NPAS3: variants seen among roughly 807,000 people sequenced by gnomAD.
NPAS3 encodes the protein neuronal PAS domain protein 3.
In NPAS3, 14 loss-of-function variants were observed where a neutral mutation model predicts 73.1. That is an observed-to-expected ratio of 0.19 (90% confidence interval 0.13 to 0.30). The LOEUF is 0.30. Among genes scored for constraint, NPAS3 ranks in the 10% least tolerant of loss-of-function variants. The pLI is 1.00. For synonymous variants in NPAS3, 620 were observed against 541.5 expected, an observed-to-expected ratio of 1.14 and a Z score of -2.01; for missense variants, 1,096 against 1,250.0, an observed-to-expected ratio of 0.88 and a Z score of 1.86.
At chr14:33,007,034 A>G (rs903007793) in intron 1 of NPAS3, among the ~76,000 whole-genome samples, 2 of 152,178 alleles carry the variant, frequency 1.3e-5, no homozygotes, top group African/African-American at 4.8e-5. Context: ...TTTGTTATCC[A>G]TTAGCACCTA....
At chr14:33,569,825 A>T (rs1215110334) in intron 5 of NPAS3, among the ~76,000 whole-genome samples, 1 of 152,186 alleles carries the variant, frequency 6.6e-6, no homozygotes, top group Non-Finnish European at 1.5e-5. Context: ...AAACGTTTGT[A>T]CTAAACGTTC....
chr14:33,479,336 C>A (rs540830380), intron 4 of NPAS3, among the ~76,000 whole-genome samples: 15 of 152,080 alleles, frequency 9.9e-5, no homozygotes, highest in Non-Finnish European at 1.5e-4. Flanking sequence ...GGTACCATCA[C>A]CACTAGTCTC....
In NPAS3 at chr14:33,643,674, T is replaced by G. The variant is rs575579558; in HGVS notation, c.559-32537T>G. 4.6e-5 allele frequency among the ~76,000 whole-genome samples: 7 copies of G among 152,258 alleles called. No individual in the cohort carries two copies. The South Asian group carries it at 1.0e-3, about 23-fold the overall frequency. On this transcript the variant is annotated intron_variant, in intron 5 of 11. Transcript: ENST00000356141. ...AATCTGAATCACATATTCAGCTACTTTGCCACAGTGGATTAAGATGATCTA... is the reference window on the plus strand; with the variant it reads ...AATCTGAATCACATATTCAGCTACTGTGCCACAGTGGATTAAGATGATCTA...
At chr14:33,623,850 C>A (rs906712849) in intron 5 of NPAS3, among the ~76,000 whole-genome samples, 1 of 152,170 alleles carries the variant, frequency 6.6e-6, no homozygotes, top group African/African-American at 2.4e-5. Flanking sequence ...ACTTGACTAT[C>A]TGTCAATTGA....
intron 3 of NPAS3, among the ~76,000 whole-genome samples, chr14:33,361,637 A>C (rs1368755655): frequency 6.6e-6 from 1 of 152,208 alleles, no homozygotes; most frequent in Non-Finnish European, 1.5e-5. Flanking sequence ...TTGCATCAAA[A>C]AATTTTGGAT....
intron 2 of NPAS3, among the ~76,000 whole-genome samples, chr14:33,161,468 C>T (rs1461232242): frequency 6.6e-6 from 1 of 152,140 alleles, no homozygotes; most frequent in Non-Finnish European, 1.5e-5. Flanking sequence ...AAGTTCTTGA[C>T]CACTGTCTTC....
chr14:32,989,689 C>A (rs949775810), intron 1 of NPAS3, among the ~76,000 whole-genome samples: 1 of 151,818 alleles, frequency 6.6e-6, no homozygotes, highest in African/African-American at 2.4e-5. Flanking sequence ...ACAAAAAAAA[C>A]CTTGTATTCT....
At chr14:33,092,107 G>A (rs143185820) in intron 2 of NPAS3, among the ~76,000 whole-genome samples, 8,705 of 152,206 alleles carry the variant, frequency 0.057, 648 homozygotes, top group East Asian at 0.35. Flanking sequence ...CATAGTGTTG[G>A]AAGTTCTGGC....
At chr14:33,550,564 A>G (rs17592050) in intron 4 of NPAS3, among the ~76,000 whole-genome samples, 15,337 of 152,316 alleles carry the variant, frequency 0.1, 819 homozygotes, top group Non-Finnish European at 0.11. Flanking sequence ...TGGAGCCTTG[A>G]ATAGGATAAG....
exon 6 of NPAS3, chr14:33,676,371 A>G (rs2059766934): frequency 6.3e-7 from 1 of 1,578,366 alleles, no homozygotes; most frequent in East Asian, 2.3e-5. Context: ...TCTCAGTCGG[A>G]GACCCCCGAG....
Position 33,188,539 on chromosome 14 carries a change from C to A in NPAS3, c.141-26643C>A, listed in dbSNP as rs8019693. On this transcript the variant is annotated intron_variant, in intron 2 of 11. Coordinates refer to ENST00000356141, the Ensembl canonical transcript of NPAS3. ...TATTTGTGTAATTGTCTTTTATTTC[C>A]TTACCAGATTATAAACTTCCTACAC... is the stretch of plus-strand genomic sequence containing the variant. 9.6e-3 allele frequency among the ~76,000 whole-genome samples: 1,458 copies of A among 152,200 alleles called. 20 individuals carry two copies. The highest frequency in any genetic ancestry group is 0.033 in the African/African-American group (1,366 of 41,514).
chr14:33,022,589 C>T (rs2039642734), intron 1 of NPAS3, among the ~76,000 whole-genome samples: 1 of 148,530 alleles, frequency 6.7e-6, no homozygotes, highest in South Asian at 2.1e-4. Flanking sequence ...GGCGTGAACC[C>T]GGGAGGCGGA....
chr14:33,182,831 T>C (rs1355964391), intron 2 of NPAS3, among the ~76,000 whole-genome samples: 1 of 152,128 alleles, frequency 6.6e-6, no homozygotes, highest in African/African-American at 2.4e-5. Flanking sequence ...TCATAACCAA[T>C]TTTTTGGAAA....
chr14:32,975,487 C>G (rs1198348936), intron 1 of NPAS3, among the ~76,000 whole-genome samples: 2 of 152,180 alleles, frequency 1.3e-5, no homozygotes, highest in Non-Finnish European at 2.9e-5. Context: ...CTGTGCCTGA[C>G]TCCTTTCAGT....
exon 12 of NPAS3, chr14:33,799,856 G>A (rs758344166): frequency 2.5e-6 from 4 of 1,614,128 alleles, no homozygotes; most frequent in Non-Finnish European, 3.4e-6. Context: ...CAACGACGAC[G>A]GCCACAGCTC....
At chr14:33,749,908 T>TG (rs1351527815) in intron 7 of NPAS3, among the ~76,000 whole-genome samples, 4 of 152,270 alleles carry the variant, frequency 2.6e-5, no homozygotes, top group Non-Finnish European at 5.9e-5. Flanking sequence ...GTCCTCTTCT[T>TG]GGGGAAAACA....
intron 9 of NPAS3, among the ~76,000 whole-genome samples, chr14:33,790,822 C>T (rs562663573): frequency 2.0e-5 from 3 of 152,290 alleles, no homozygotes; most frequent in Non-Finnish European, 2.9e-5. Flanking sequence ...GTGCACACCA[C>T]CACACCTGGC....
chr14:33,648,290 T>G (rs2058892211), intron 5 of NPAS3, among the ~76,000 whole-genome samples: 1 of 152,190 alleles, frequency 6.6e-6, no homozygotes, highest in South Asian at 2.1e-4. Context: ...CATTTCAAAT[T>G]GCTACAAGCT....
chr14:33,358,873 A>G (rs2045464811), intron 3 of NPAS3, among the ~76,000 whole-genome samples: 1 of 152,212 alleles, frequency 6.6e-6, no homozygotes, highest in African/African-American at 2.4e-5. Context: ...ACCCTTCCAT[A>G]TTATAAGGCT....
Sources: gnomAD v4.1 joint callset for allele counts (sites outside exome capture counted in the v4.1 genomes callset) on GRCh38, gnomAD v4.1.1 for gene constraint, MANE v1.5 for transcripts, NCBI Gene and HGNC (gene_info 2026-07-23, HGNC 2026-07-21) for gene names.